The following DCAF8L2 variants were observed in gnomAD, a reference collection of about 807,000 sequenced individuals.
The protein encoded by DCAF8L2 is DDB1- and CUL4-associated factor 8-like protein 2.
For missense variants in DCAF8L2, 430 were observed against 490.7 expected (o/e 0.88, Z 1.17); for synonymous variants, 200 against 190.9 (o/e 1.05, Z -0.39).
chrX:27,534,897 T>C, the DCAF8L2 span, among the ~76,000 whole-genome samples: 2 of 111,818 alleles, frequency 1.8e-5, no homozygotes. Context: ...CCATAGGGAG[T>C]TTATACTGAA....
Position 27,747,361 on chromosome X carries a change from A to G in DCAF8L2, c.466A>G (p.Ser156Gly), listed in dbSNP as rs769695775. 8.6e-7 allele frequency: 1 copy of G among 1,164,251 alleles called. No homozygotes were observed. Among genetic ancestry groups the G allele is most frequent in the South Asian group, 1.9e-5 (1 of 52,445 alleles). ...ACAGCCTCGGGCGGGTCCACAAGGCAGTGGCGGCAACCATGAGCAGTATTC... is the reference window on the plus strand; with the variant it reads ...ACAGCCTCGGGCGGGTCCACAAGGCGGTGGCGGCAACCATGAGCAGTATTC... ...EEQPRAGPQG[S>G]GGNHEQYSLE... is the part of the protein sequence containing the mutation. Residue 156 changes from serine to glycine, a missense_variant, in exon 5 of 5, where the codon AGT becomes GGT. Physicochemically the swap from Ser to Gly is moderately conservative, Grantham distance 56. Coordinates refer to ENST00000451261, the MANE Select transcript of DCAF8L2 (RefSeq NM_001353450.2).
intron 4 of DCAF8L2, among the ~76,000 whole-genome samples, chrX:27,718,076 G>A (rs1196702593): frequency 8.9e-6 from 1 of 111,862 alleles, no homozygotes; most frequent in Admixed American, 9.5e-5. Context: ...CATATTAAGT[G>A]TATAGTTTTA....
At chrX:27,637,162 TCTC>T (rs200466007) in intron 2 of DCAF8L2, among the ~76,000 whole-genome samples, 1,173 of 112,064 alleles carry the variant, frequency 0.01, 18 homozygotes, top group African/African-American at 0.036. Context: ...CTAAAGCCTG[TCTC>T]CTCCTGAACA....
chrX:27,720,553 T>G (rs1465035359), intron 4 of DCAF8L2, among the ~76,000 whole-genome samples: 1 of 110,897 alleles, frequency 9.0e-6, no homozygotes, highest in Non-Finnish European at 1.9e-5. Flanking sequence ...TTTTGTATTT[T>G]TAGTAGAGAC....
At chrX:27,599,182 G>A (rs1182520661) in intron 1 of DCAF8L2, among the ~76,000 whole-genome samples, 1 of 110,727 alleles carries the variant, frequency 9.0e-6, no homozygotes, top group Admixed American at 9.7e-5. Flanking sequence ...AATATTATTC[G>A]TCCTTTAAAA....
intron 2 of DCAF8L2, among the ~76,000 whole-genome samples, chrX:27,653,594 T>C (rs1929230816): frequency 9.0e-6 from 1 of 110,919 alleles, no homozygotes; most frequent in East Asian, 2.8e-4. Context: ...TAAGGTCCTC[T>C]TTTAATAAAC....
In DCAF8L2 at chrX:27,747,994, G is replaced by A; in HGVS notation, c.1099G>A (p.Val367Met). ...GGTAACAAGAGAAAATGATAAGAAAGTGGGACTGTATACAATTACTGTGAA... is the reference window on the plus strand; with the variant it reads ...GGTAACAAGAGAAAATGATAAGAAAATGGGACTGTATACAATTACTGTGAA... ...VVVTRENDKK[V>M]GLYTITVNPA... The change falls in exon 5 of 5, where the codon GTG (valine) becomes ATG (methionine). Residue 367 changes from valine (V) to methionine (M), a missense_variant. Physicochemically the swap from Val to Met is conservative, Grantham distance 21 (BLOSUM62 1). Transcript: ENST00000451261. 2 of 1,211,729 alleles carry A rather than the reference G, an allele frequency of 1.7e-6. No individual in the cohort carries two copies. The highest frequency in any genetic ancestry group is 2.2e-5 in the Admixed American group (1 of 46,055).
the DCAF8L2 span, among the ~76,000 whole-genome samples, chrX:27,489,484 A>G: frequency 1.1e-4 from 12 of 112,697 alleles, no homozygotes; most frequent in South Asian, 3.6e-4. Flanking sequence ...TTTTTAATCC[A>G]TGAACATGAA....
At position 27,747,796 on chromosome X, in the gene DCAF8L2, G is replaced by C; in HGVS notation, c.901G>C (p.Glu301Gln). 8.3e-7 allele frequency: 1 copy of C among 1,209,028 alleles called. No homozygotes were observed. The highest frequency in any genetic ancestry group is 1.1e-6 in the Non-Finnish European group (1 of 893,831). Residue 301 changes from glutamate (E) to glutamine (Q), a missense_variant, in exon 5 of 5, where the codon GAG (glutamate) becomes CAG (glutamine). Glu to Gln is a conservative substitution (Grantham distance 29). Transcript: ENST00000451261. The stretch of plus-strand genomic sequence containing the variant: ...CCGTGATGGGCAGGTACGGGTAGCA[G>C]AGTTAATTAATGCATCATATTTCAA... ...CARDGQVRVA[E>Q]LINASYFNNT...
chrX:27,602,057 C>A (rs764400517), intron 1 of DCAF8L2, among the ~76,000 whole-genome samples: 1 of 111,961 alleles, frequency 8.9e-6, no homozygotes, highest in South Asian at 3.7e-4. Context: ...GGCCTGCTTT[C>A]TTTTTTCTTT....
intron 1 of DCAF8L2, among the ~76,000 whole-genome samples, chrX:27,622,172 G>A (rs1231644583): frequency 9.0e-6 from 1 of 110,564 alleles, no homozygotes; most frequent in Non-Finnish European, 1.9e-5. Flanking sequence ...GTATGTATAA[G>A]AACATCATTT....
At chrX:27,592,417 G>T (rs4292858) in intron 1 of DCAF8L2, among the ~76,000 whole-genome samples, 6,683 of 83,755 alleles carry the variant, frequency 0.08, 246 homozygotes, top group Non-Finnish European at 0.1. Flanking sequence ...GTTTGTTTTT[G>T]TTTTTTTTTT....
chrX:27,471,816 C>T, the DCAF8L2 span, among the ~76,000 whole-genome samples: 1 of 111,556 alleles, frequency 9.0e-6, no homozygotes, highest in African/African-American at 3.3e-5. Flanking sequence ...ATTGCATTAT[C>T]TAGAAGACAA....
At chrX:27,682,686 G>A (rs1247241879) in intron 3 of DCAF8L2, among the ~76,000 whole-genome samples, 1 of 110,592 alleles carries the variant, frequency 9.0e-6, no homozygotes, top group Middle Eastern at 4.7e-3. Flanking sequence ...GCAAGTTCAC[G>A]ATGTTGGCAA....
chrX:27,673,912 A>G (rs768427685), intron 2 of DCAF8L2, among the ~76,000 whole-genome samples: 1 of 111,283 alleles, frequency 9.0e-6, no homozygotes, highest in South Asian at 3.8e-4. Context: ...GAAGATTTGA[A>G]ATACCAGACC....
intron 2 of DCAF8L2, among the ~76,000 whole-genome samples, chrX:27,655,141 A>G (rs918863626): frequency 9.0e-6 from 1 of 111,010 alleles, no homozygotes; most frequent in Non-Finnish European, 1.9e-5. Context: ...CAAGTAAAAA[A>G]GTATGCATAT....
Position 27,709,787 on chromosome X carries a change from A to G in DCAF8L2, c.-142-6301A>G, listed in dbSNP as rs1277021327. 2.7e-5 allele frequency among the ~76,000 whole-genome samples: 3 copies of G among 109,721 alleles called. No homozygotes were observed. The East Asian group carries it at 8.6e-4, about 31-fold the overall frequency. On this transcript the variant is annotated intron_variant, in intron 3 of 4. Transcript: ENST00000451261. ...TCTGTGGACTGTTTCTGTGGCTGGC[A>G]TGTTCATGGACTGTTTCTGTGGCTG...
chrX:27,621,246 G>A (rs1927742280), intron 1 of DCAF8L2, among the ~76,000 whole-genome samples: 1 of 111,437 alleles, frequency 9.0e-6, no homozygotes, highest in African/African-American at 3.3e-5. Context: ...GAAAAGAGTT[G>A]TGGAGATCGA....
At chrX:27,707,859 C>G (rs1485760747) in intron 3 of DCAF8L2, among the ~76,000 whole-genome samples, 1 of 111,240 alleles carries the variant, frequency 9.0e-6, no homozygotes, top group African/African-American at 3.3e-5. Context: ...GCTTTTTTGA[C>G]AAAGTAGAAT....
Sources: gnomAD v4.1 joint callset for allele counts (sites outside exome capture counted in the v4.1 genomes callset) on GRCh38, gnomAD v4.1.1 for gene constraint, MANE v1.5 for transcripts, NCBI Gene and HGNC (gene_info 2026-07-23, HGNC 2026-07-21) for gene names.